The following DENND3 variants were observed in gnomAD, a reference collection of about 807,000 sequenced individuals.
DENND3 encodes the protein DENN domain containing 3.
DENND3 carries 88 observed loss-of-function variants against 135.1 expected under a neutral mutation model. The observed-to-expected ratio is 0.65, with a 90% confidence interval of 0.55 to 0.78. DENND3 has a LOEUF of 0.78. Among genes scored for constraint, DENND3 ranks in the 30% least tolerant of loss-of-function variants. The pLI, the probability that DENND3 is intolerant of heterozygous loss-of-function variation, is 0.00. For synonymous variants in DENND3, 693 were observed against 712.3 expected (o/e 0.97, Z 0.43); for missense variants, 1,392 against 1,688.4 (o/e 0.82, Z 3.08).
chr8:141,140,464 A>G (rs1360612264), intron 3 of DENND3, among the ~76,000 whole-genome samples: 1 of 152,224 alleles, frequency 6.6e-6, no homozygotes, highest in African/African-American at 2.4e-5. Context: ...AGATGAGGAA[A>G]TGGTGGCAGA....
intron 13 of DENND3, among the ~76,000 whole-genome samples, chr8:141,170,320 G>A (rs553840326): frequency 5.3e-5 from 8 of 152,136 alleles, no homozygotes; most frequent in Admixed American, 3.3e-4. Context: ...CTTGCTTATC[G>A]TGCCCGTGGG....
intron 13 of DENND3, among the ~76,000 whole-genome samples, chr8:141,171,660 A>G (rs559513997): frequency 2.3e-4 from 35 of 152,308 alleles, no homozygotes; most frequent in African/African-American, 7.9e-4. Context: ...TGGGCTCATG[A>G]GTGTGCCTGG....
At position 141,138,189 on chromosome 8, in the gene DENND3, T is replaced by C. The variant is rs767325625; in HGVS notation, c.501+52T>C. The C allele has an allele frequency of 5.3e-6, 8 of 1,520,486 alleles. No homozygotes were observed. The highest frequency in any genetic ancestry group is 5.4e-6 in the Non-Finnish European group (6 of 1,117,288). 94.2% of individuals were successfully genotyped at this position (1,520,486 alleles called of 1,614,324 possible). A position where few individuals can be genotyped will look rare whatever the true frequency, so the allele number is the denominator to read the frequency against. On this transcript the variant is annotated intron_variant, in intron 3 of 22. Coordinates refer to ENST00000519811, the MANE Select transcript of DENND3 (RefSeq NM_001352890.3). The surrounding 1 kb of genome is among the most constrained non-coding windows in gnomAD (Gnocchi z 4.8). ...GAAATTGGGTTTAGATTTTTTATTA[T>C]GGTGAAATACACATAACACAACATT...
rs1443469557 is a variant in DENND3, at chr8:141,166,332, C to T, written c.1696C>T (p.Pro566Ser). Residue 566 changes from proline to serine, a missense_variant, in exon 12 of 23, where the codon CCC (proline) becomes TCC (serine). Transcript: ENST00000519811. This position sits in a 1 kb window ranked among gnomAD's most constrained non-coding sequence, Gnocchi z 4.3. ...GGACATTGCCATGCCTGAGCTGGCA[C>T]CCAGGAACTCCTCGCTCCGGCTGAC... Reference protein sequence around the residue: ...LQDIAMPELAPRNSSLRLTDT... With the variant: ...LQDIAMPELASRNSSLRLTDT... 6.2e-7 allele frequency: 1 copy of T among 1,613,706 alleles called. No individual in the cohort carries two copies.
intron 8 of DENND3, among the ~76,000 whole-genome samples, 191 bp from the exon 9 acceptor site, chr8:141,160,441 A>G (rs551966387): frequency 6.6e-6 from 1 of 152,180 alleles, no homozygotes; most frequent in East Asian, 1.9e-4. Context: ...CGGCCTCCCA[A>G]AGTGCTGGGA....
chr8:141,192,531 G>A lies in DENND3; in HGVS notation c.3504G>A (p.Glu1168=). The A allele has an allele frequency of 6.3e-7, 1 of 1,595,496 alleles. No homozygotes were observed. Among genetic ancestry groups the A allele is most frequent in the Non-Finnish European group, 8.6e-7 (1 of 1,169,538 alleles). The change falls in exon 22 of 23, where the codon GAG becomes GAA. Residue 1168 remains glutamate (E), a synonymous_variant. Coordinates refer to ENST00000519811, the MANE Select transcript of DENND3 (RefSeq NM_001352890.3). ...CACCGTGCCCTGCGTTTCAGGAGGA[G>A]CAGCTGTGGGCGGCCTGTGCAGGAC... ...FLAFQLLPEE[E]QLWAACAGRS...
At chr8:141,187,952 C>T (rs1026365264) in intron 18 of DENND3, among the ~76,000 whole-genome samples, 10 of 152,212 alleles carry the variant, frequency 6.6e-5, no homozygotes, top group Middle Eastern at 6.8e-3. Context: ...TTTGGGGGGC[C>T]GAAGCAGGAG....
chr8:141,136,637 T>C lies in DENND3; in HGVS notation c.231T>C (p.Gly77=), dbSNP rs1300591213. 2 of 1,611,248 alleles carry C rather than the reference T, an allele frequency of 1.2e-6. No homozygotes were observed. ...CCGGTGCCAACTGCGGCACTCTCGG[T>C]AAAACCCGGATGCGCTCCTTGAGAA... ...QMAGANCGTL[G]KTRMRSLRKK... is the part of the protein sequence containing the mutation. The change falls in exon 2 of 23, where the codon GGT becomes GGC. Residue 77 remains glycine (G), a synonymous_variant. Coordinates refer to ENST00000519811, the MANE Select transcript of DENND3 (RefSeq NM_001352890.3).
At chr8:141,178,032 C>T (rs780554613) in intron 15 of DENND3, 35 bp from the exon 16 acceptor site, 1 of 1,580,246 alleles carries the variant, frequency 6.3e-7, no homozygotes, top group African/African-American at 1.3e-5. Flanking sequence ...CTTAGTGATT[C>T]TTGCTGTTTT....
chr8:141,177,940 C>T (rs307731), intron 15 of DENND3, 127 bp from the exon 16 acceptor site: 431,985 of 1,211,804 alleles, frequency 0.36, 79,029 homozygotes, highest in African/African-American at 0.55. Context: ...CATCCGTGAT[C>T]TAAACTCTTC....
rs1167190150 is a variant in DENND3, at chr8:141,146,145, CT to C, written c.735+1887del. 2.0e-5 allele frequency among the ~76,000 whole-genome samples: 3 copies of C among 152,162 alleles called. No individual in the cohort carries two copies. The highest frequency in any genetic ancestry group is 7.2e-5 in the African/African-American group (3 of 41,430). ...TACAGCGTGAGCCACCGCGCCCGCC[CT>C]GGATATTGTATTTCATTTGTTAGTG... On this transcript the variant is annotated intron_variant, in intron 5 of 22. Coordinates refer to ENST00000519811, the MANE Select transcript of DENND3 (RefSeq NM_001352890.3). This position sits in a 1 kb window ranked among gnomAD's most constrained non-coding sequence, Gnocchi z 4.3.
intron 18 of DENND3, 138 bp downstream of exon 18, chr8:141,185,416 C>T: frequency 8.8e-7 from 1 of 1,132,474 alleles, no homozygotes; most frequent in Non-Finnish European, 1.2e-6. Context: ...GGGGTCTTAA[C>T]TTTCACCTGG....
intron 10 of DENND3, among the ~76,000 whole-genome samples, chr8:141,163,814 AG>A (rs1335695272): frequency 6.6e-6 from 1 of 151,216 alleles, no homozygotes; most frequent in Non-Finnish European, 1.5e-5. Flanking sequence ...AGGCTAAGGC[AG>A]GAGAATTGCT....
rs1164245599 is a variant in DENND3, at chr8:141,137,836, G to A, written c.386-186G>A. On this transcript the variant is annotated intron_variant, in intron 2 of 22. Transcript: ENST00000519811. This position sits in a 1 kb window ranked among gnomAD's most constrained non-coding sequence, Gnocchi z 4.1. ...AGAGCTTGTAAAGAAATTGCTGTGTGGGGAGGGACTCAGGGAGGATAGACG... is the reference window on the plus strand; with the variant it reads ...AGAGCTTGTAAAGAAATTGCTGTGTAGGGAGGGACTCAGGGAGGATAGACG... Among the ~76,000 whole-genome samples the A allele has an allele frequency of 6.6e-6, 1 of 152,230 alleles. No individual in the cohort carries two copies. Among genetic ancestry groups the A allele is most frequent in the Non-Finnish European group, 1.5e-5 (1 of 68,034 alleles).
At chr8:141,184,095 GC>G (rs1589703749) in intron 17 of DENND3, among the ~76,000 whole-genome samples, 1 of 152,208 alleles carries the variant, frequency 6.6e-6, no homozygotes, top group Non-Finnish European at 1.5e-5. Context: ...CGGACACGGC[GC>G]CTACAGCCTC....
rs776904530 is a variant in DENND3, at chr8:141,192,582, G to A, written c.3555G>A (p.Leu1185=). 1.4e-5 allele frequency: 22 copies of A among 1,581,228 alleles called. No individual in the cohort carries two copies. In the South Asian group the frequency reaches 2.3e-4, roughly 17 times the overall value. ...GCAGCGAGGTTTACATCTGGAGCCT[G>A]AAGGACCTGGCCCAGCCCCCGCAGA... ...AGRSEVYIWS[L]KDLAQPPQRV... The change falls in exon 22 of 23, where the codon CTG becomes CTA. Residue 1185 remains leucine, a synonymous_variant. Transcript: ENST00000519811.
intron 17 of DENND3, 77 bp downstream of exon 17, chr8:141,180,931 C>T: frequency 2.4e-6 from 3 of 1,263,684 alleles, no homozygotes; most frequent in Non-Finnish European, 3.3e-6. Flanking sequence ...CAGGGTCAGC[C>T]CTGAAGTGAA....
At chr8:141,178,802 G>A (rs1354105394) in intron 16 of DENND3, among the ~76,000 whole-genome samples, 6 of 152,256 alleles carry the variant, frequency 3.9e-5, no homozygotes, top group African/African-American at 7.2e-5. Context: ...ATAGAGGCTG[G>A]TGCTGGACTC....
intron 5 of DENND3, among the ~76,000 whole-genome samples, chr8:141,147,402 C>T (rs1258769710): frequency 1.3e-5 from 2 of 152,242 alleles, no homozygotes; most frequent in South Asian, 2.1e-4. Flanking sequence ...AGCCTGGACC[C>T]TGTCTCACTG....
Sources: allele counts gnomAD v4.1 joint callset (sites outside exome capture counted in the v4.1 genomes callset), GRCh38; gene constraint gnomAD v4.1.1; non-coding constraint Gnocchi (gnomAD v3.1); transcripts MANE v1.5; gene names NCBI Gene and HGNC (gene_info 2026-07-23, HGNC 2026-07-21).